The following EDA variants were observed in gnomAD, a reference collection of about 807,000 sequenced individuals.
EDA encodes the protein ectodysplasin A.
EDA carries 2 observed loss-of-function variants against 23.6 expected under a neutral mutation model. The ratio of observed to expected loss-of-function variants is 0.08; its 90% CI spans 0.03 to 0.27. The LOEUF is 0.27. EDA is among the 10% of genes least tolerant of loss of function. The probability of loss-of-function intolerance (pLI) is 1.00; values close to 1 mark genes in which losing one functional copy is unlikely to be tolerated. For missense variants in EDA, 229 were observed against 324.2 expected, an observed-to-expected ratio of 0.71 and a Z score of 2.26; for synonymous variants, 131 against 132.0, an observed-to-expected ratio of 0.99 and a Z score of 0.05.
intron 1 of EDA, among the ~76,000 whole-genome samples, chrX:69,951,105 AAAAG>A (rs1396530099): frequency 5.7e-5 from 4 of 70,748 alleles, no homozygotes; most frequent in African/African-American, 1.8e-4. Context: ...AATAAATAAA[AAAAG>A]AAAAAAAAAG....
At chrX:69,910,396 T>A (rs1322919380) in intron 1 of EDA, among the ~76,000 whole-genome samples, 273 of 105,656 alleles carry the variant, frequency 2.6e-3, no homozygotes, top group Non-Finnish European at 3.7e-3. Context: ...TGTGTGTGTG[T>A]GTGTGTGTGT....
At chrX:69,774,044 G>T (rs2014709335) in intron 1 of EDA, among the ~76,000 whole-genome samples, 1 of 111,766 alleles carries the variant, frequency 8.9e-6, no homozygotes, top group South Asian at 3.7e-4. Context: ...TTAGCCTGGT[G>T]CTAATTATTC....
rs140795841 is a variant in EDA at position 70,035,990 on chromosome X, G to A, written c.*381G>A. 106 of 212,542 alleles carry A rather than the reference G, an allele frequency of 5.0e-4. 1 individual carries two copies. In the East Asian group the frequency reaches 9.9e-3, roughly 20 times the overall value. The allele number at this position is 212,542 out of a possible 1,213,427, so 17.5% of individuals were successfully genotyped here. On this transcript the variant is annotated 3_prime_UTR_variant, in exon 8 of 8. Coordinates refer to ENST00000374552, the MANE Select transcript of EDA (RefSeq NM_001399.5). ...AAGGTGCACTCCAGACTCTGGGGGT[G>A]GACATCTGACCCCAAGGGGGCTGCT...
chrX:70,027,255 C>T (rs1373021946), intron 3 of EDA, among the ~76,000 whole-genome samples: 1 of 111,774 alleles, frequency 8.9e-6, no homozygotes, highest in Non-Finnish European at 1.9e-5. Context: ...AGCACTTCTA[C>T]TATCCCATGA....
chrX:69,738,731 A>AT (rs1276605686), intron 1 of EDA, among the ~76,000 whole-genome samples: 4 of 108,466 alleles, frequency 3.7e-5, no homozygotes, highest in Non-Finnish European at 3.8e-5. Flanking sequence ...TTCCAGTTTG[A>AT]TTTTTTTCAT....
At chrX:69,842,011 T>TC (rs1241083591) in intron 1 of EDA, among the ~76,000 whole-genome samples, 2 of 111,112 alleles carry the variant, frequency 1.8e-5, no homozygotes, top group South Asian at 3.8e-4. Flanking sequence ...ATATCAGGGG[T>TC]CCCCCCCGTC....
intron 1 of EDA, among the ~76,000 whole-genome samples, chrX:69,883,579 C>T (rs1244196096): frequency 1.8e-5 from 2 of 111,616 alleles, no homozygotes; most frequent in South Asian, 7.6e-4. Context: ...CGTTGATGGC[C>T]AGTGACTCCC....
At chrX:69,935,285 C>T in intron 1 of EDA, among the ~76,000 whole-genome samples, 1 of 111,334 alleles carries the variant, frequency 9.0e-6, no homozygotes, top group East Asian at 2.8e-4. Flanking sequence ...ATACCGATGT[C>T]CTTTCTTTTG....
intron 1 of EDA, among the ~76,000 whole-genome samples, chrX:69,868,930 C>T (rs1312615757): frequency 8.9e-6 from 1 of 112,201 alleles, no homozygotes; most frequent in East Asian, 2.8e-4. Flanking sequence ...TCTGCAAGAT[C>T]CATCTGTCTT....
At chrX:69,735,448 G>A (rs188708485) in intron 1 of EDA, among the ~76,000 whole-genome samples, 4 of 111,531 alleles carry the variant, frequency 3.6e-5, no homozygotes, top group Admixed American at 1.9e-4. Flanking sequence ...TTGTTCTGTC[G>A]TTTAATTGTT....
At chrX:69,959,447 A>G (rs186031356) in intron 2 of EDA, among the ~76,000 whole-genome samples, 1 of 112,241 alleles carries the variant, frequency 8.9e-6, no homozygotes, top group East Asian at 2.8e-4. Context: ...GTGGTAAGTC[A>G]ATCCAAATCT....
chrX:69,729,230 G>T (rs909207108), intron 1 of EDA: 3 of 111,448 alleles, frequency 2.7e-5, no homozygotes, highest in African/African-American at 9.8e-5. Context: ...TCACCTACCA[G>T]CATCTGTGCC....
chrX:69,766,282 AT>A (rs779672348), intron 1 of EDA, among the ~76,000 whole-genome samples: 1 of 108,689 alleles, frequency 9.2e-6, no homozygotes, highest in Non-Finnish European at 1.9e-5. Flanking sequence ...AGTATCTGGC[AT>A]TTTTTTTTAA....
intron 1 of EDA, among the ~76,000 whole-genome samples, chrX:69,683,664 C>T (rs1319197856): frequency 2.7e-5 from 3 of 111,160 alleles, no homozygotes; most frequent in Non-Finnish European, 5.7e-5. Flanking sequence ...GTGTCTTACT[C>T]ATTTTATATC....
intron 1 of EDA, among the ~76,000 whole-genome samples, chrX:69,910,701 G>A (rs887190399): frequency 9.0e-6 from 1 of 110,678 alleles, no homozygotes; most frequent in Non-Finnish European, 1.9e-5. Flanking sequence ...TGACTATTTT[G>A]TCATTTCCAT....
intron 1 of EDA, among the ~76,000 whole-genome samples, chrX:69,891,387 G>A (rs1167364816): frequency 9.0e-6 from 1 of 111,584 alleles, no homozygotes; most frequent in South Asian, 3.8e-4. Context: ...TACTGGGGAT[G>A]TACCCAAACC....
At chrX:69,912,480 G>T (rs2018279735) in intron 1 of EDA, among the ~76,000 whole-genome samples, 1 of 111,696 alleles carries the variant, frequency 9.0e-6, no homozygotes, top group East Asian at 2.8e-4. Flanking sequence ...AAGACATGAA[G>T]GTTGAAATTA....
At chrX:69,757,628 A>T (rs2014165631) in intron 1 of EDA, among the ~76,000 whole-genome samples, 1 of 112,459 alleles carries the variant, frequency 8.9e-6, no homozygotes, top group African/African-American at 3.2e-5. Flanking sequence ...AAGGAAGGAA[A>T]ATCTTATACA....
intron 1 of EDA, among the ~76,000 whole-genome samples, chrX:69,743,977 G>C (rs2013539359): frequency 8.9e-6 from 1 of 111,736 alleles, no homozygotes; most frequent in Non-Finnish European, 1.9e-5. Context: ...TACAAGATAA[G>C]TTTAATTATC....
Sources: gnomAD v4.1 joint callset for allele counts (sites outside exome capture counted in the v4.1 genomes callset) on GRCh38, gnomAD v4.1.1 for gene constraint, MANE v1.5 for transcripts, NCBI Gene and HGNC (gene_info 2026-07-23, HGNC 2026-07-21) for gene names.